The following ERC1 variants were observed in gnomAD, a reference collection of about 807,000 sequenced individuals.
The protein encoded by ERC1 is RAB6 interacting protein 2.
ERC1 carries 56 observed loss-of-function variants against 132.0 expected under a neutral mutation model. The observed-to-expected ratio is 0.42, with a 90% CI of 0.34 to 0.53. The LOEUF is 0.53. Ranked by LOEUF, ERC1 falls within the 20% of genes least tolerant of loss-of-function variation. The pLI is 0.03. For missense variants in ERC1, 1,202 were observed against 1,349.9 expected (o/e 0.89, Z 1.72); for synonymous variants, 478 against 476.1 (o/e 1.00, Z -0.05).
At position 1,495,583 on chromosome 12, in the gene ERC1, G is replaced by A. The variant is rs971443804; in HGVS notation, c.*5353G>A. The A allele has an allele frequency of 1.8e-5, 4 of 228,092 alleles. No homozygotes were observed. Among genetic ancestry groups the A allele is most frequent in the Admixed American group, 5.7e-5 (1 of 17,590 alleles). 14.1% of individuals were successfully genotyped at this position (228,092 alleles called of 1,614,324 possible). On this transcript the variant is annotated 3_prime_UTR_variant, in exon 19 of 19. Transcript: ENST00000360905. Reference sequence around the variant, plus strand: ...CGCAGGACTAGCCCAGGCACCTGCCGGGCATTGCAGGATATCCAGTGGGGC... The same window carrying A: ...CGCAGGACTAGCCCAGGCACCTGCCAGGCATTGCAGGATATCCAGTGGGGC...
intron 8 of ERC1, among the ~76,000 whole-genome samples, chr12:1,145,067 A>G (rs555084374): frequency 1.3e-5 from 2 of 150,850 alleles, no homozygotes; most frequent in South Asian, 2.1e-4. Flanking sequence ...CCCAGGCTGG[A>G]GTGAAGTGGT....
chr12:1,140,053 C>G (rs958725592), intron 7 of ERC1, among the ~76,000 whole-genome samples: 2 of 152,170 alleles, frequency 1.3e-5, no homozygotes, highest in South Asian at 2.1e-4. Flanking sequence ...AATGGGAGCT[C>G]AAATGATTAT....
At chr12:1,386,814 C>A (rs1464818931) in intron 16 of ERC1, 1 of 152,110 alleles carries the variant, frequency 6.6e-6, no homozygotes, top group Non-Finnish European at 1.5e-5. Flanking sequence ...CCTGCCTATT[C>A]CTGCAGGAGT....
At chr12:1,386,680 CAT>C (rs757516072) in intron 16 of ERC1, 4 of 92,410 alleles carry the variant, frequency 4.3e-5, no homozygotes, top group Admixed American at 2.1e-4. Flanking sequence ...AAAAAGTACA[CAT>C]GTCTAAGTAT....
intron 7 of ERC1, among the ~76,000 whole-genome samples, chr12:1,139,532 A>G (rs139765900): frequency 1.7e-3 from 259 of 152,286 alleles, no homozygotes; most frequent in Middle Eastern, 3.4e-3. Context: ...CATAGTGTGT[A>G]TAGGGTTTGA....
At chr12:1,455,732 T>A (rs1285643874) in intron 18 of ERC1, among the ~76,000 whole-genome samples, 1 of 152,244 alleles carries the variant, frequency 6.6e-6, no homozygotes, top group Non-Finnish European at 1.5e-5. Flanking sequence ...CAAGTCGCCT[T>A]TCCCTTGTAT....
chr12:1,002,133 A>G (rs1262605207), intron 1 of ERC1, among the ~76,000 whole-genome samples: 1 of 117,168 alleles, frequency 8.5e-6, no homozygotes, highest in Non-Finnish European at 1.7e-5. Flanking sequence ...AAGTGCTGGG[A>G]TCACAGGTGT....
At chr12:1,342,739 T>A (rs1343789421) in intron 15 of ERC1, among the ~76,000 whole-genome samples, 1 of 152,166 alleles carries the variant, frequency 6.6e-6, no homozygotes, top group Non-Finnish European at 1.5e-5. Context: ...TTAATGTGTA[T>A]TTGAGGAACT....
At chr12:1,352,855 T>C (rs757935861) in intron 15 of ERC1, among the ~76,000 whole-genome samples, 31 of 152,192 alleles carry the variant, frequency 2.0e-4, no homozygotes, top group Admixed American at 4.6e-4. Context: ...TTATATCCTA[T>C]GTAAGGGAAT....
At chr12:1,350,683 T>C (rs1490963973) in intron 15 of ERC1, among the ~76,000 whole-genome samples, 2 of 152,210 alleles carry the variant, frequency 1.3e-5, no homozygotes, top group African/African-American at 4.8e-5. Flanking sequence ...TTCATCCTCC[T>C]TAGAGTGTAT....
intron 18 of ERC1, among the ~76,000 whole-genome samples, chr12:1,451,501 T>G (rs1273669933): frequency 6.6e-6 from 1 of 152,178 alleles, no homozygotes; most frequent in Non-Finnish European, 1.5e-5. Flanking sequence ...GGTGTGTGCC[T>G]GCAGTCCCAC....
chr12:1,121,653 A>G (rs189343581), intron 7 of ERC1, among the ~76,000 whole-genome samples: 53 of 14,064 alleles, frequency 3.8e-3, no homozygotes, highest in African/African-American at 5.8e-3. Flanking sequence ...CTCTATCTCT[A>G]TCTCTATCTC....
intron 8 of ERC1, among the ~76,000 whole-genome samples, chr12:1,167,355 T>C (rs1353535027): frequency 1.3e-5 from 2 of 152,224 alleles, no homozygotes; most frequent in African/African-American, 4.8e-5. Context: ...TACATTGCAT[T>C]CTCATCTGTG....
chr12:1,492,346 G>A lies in ERC1; in HGVS notation c.*2116G>A, dbSNP rs187374016. On this transcript the variant is annotated 3_prime_UTR_variant, in exon 19 of 19. Coordinates refer to ENST00000360905, the MANE Select transcript of ERC1 (RefSeq NM_178040.4). ...TGAAAGGCAGGAGTGTTAGCATCTC[G>A]CTTTATCCACCATAACGTAAAGAAC... 201 of 233,098 alleles carry A rather than the reference G, an allele frequency of 8.6e-4. No individual in the cohort carries two copies. The highest frequency in any genetic ancestry group is 3.7e-3 in the African/African-American group (169 of 45,442). The allele number at this position is 233,098 out of a possible 1,614,324, so 14.4% of individuals were successfully genotyped here. A position where few individuals can be genotyped will look rare whatever the true frequency, so the allele number is the denominator to read the frequency against.
chr12:1,100,863 A>G (rs1944580830), intron 3 of ERC1, among the ~76,000 whole-genome samples: 1 of 152,204 alleles, frequency 6.6e-6, no homozygotes, highest in African/African-American at 2.4e-5. Context: ...GTAAATACCA[A>G]GGGAATGAGT....
chr12:1,024,226 C>G (rs924498614), intron 1 of ERC1, among the ~76,000 whole-genome samples: 1 of 152,070 alleles, frequency 6.6e-6, no homozygotes, highest in Non-Finnish European at 1.5e-5. Flanking sequence ...ACCAAAAATA[C>G]AAAAATTAGC....
chr12:1,216,614 A>C (rs1386690889), intron 12 of ERC1, among the ~76,000 whole-genome samples: 1 of 3,298 alleles, frequency 3.0e-4, no homozygotes, highest in African/African-American at 1.1e-3. Flanking sequence ...GGGAGGAGGG[A>C]TGGGGGGTGG....
intron 12 of ERC1, among the ~76,000 whole-genome samples, chr12:1,219,271 C>G (rs1386970982): frequency 1.3e-5 from 2 of 152,116 alleles, no homozygotes; most frequent in Admixed American, 1.3e-4. Flanking sequence ...TACTTATTAC[C>G]TACACAATGT....
chr12:1,279,343 G>A lies in ERC1; in HGVS notation c.2620-10509G>A, dbSNP rs182374558. Among the ~76,000 whole-genome samples the A allele has an allele frequency of 9.3e-4, 141 of 152,186 alleles. 1 individual carries two copies. Among genetic ancestry groups the A allele is most frequent in the African/African-American group, 3.3e-3 (136 of 41,540 alleles). On this transcript the variant is annotated intron_variant, in intron 14 of 18. Transcript: ENST00000360905. ...AAATTCTCTAGAAACATGAGTAGTC[G>A]CTCTTCAAGTAATGCATTTGGATTT...
Sources: gnomAD v4.1 joint callset for allele counts (sites outside exome capture counted in the v4.1 genomes callset) on GRCh38, gnomAD v4.1.1 for gene constraint, MANE v1.5 for transcripts, NCBI Gene and HGNC (gene_info 2026-07-23, HGNC 2026-07-21) for gene names.